C7orf78: variants seen among roughly 807,000 people sequenced by gnomAD.
C7orf78 encodes the protein chromosome 7 open reading frame 78.
chr7:12,524,897 G>A, the C7orf78 span, among the ~76,000 whole-genome samples: 198 of 152,044 alleles, frequency 1.3e-3, 1 homozygote, highest in Non-Finnish European at 2.3e-3. Flanking sequence ...AAAATTCACG[G>A]AATAAGGAAT....
At chr7:12,487,046 G>C in the C7orf78 span, 1 of 151,516 alleles carries the variant, frequency 6.6e-6, no homozygotes, top group African/African-American at 2.4e-5. Flanking sequence ...TTCTGCTTCT[G>C]TCATGTATTT....
the C7orf78 span, among the ~76,000 whole-genome samples, chr7:12,506,376 G>C: frequency 3.7e-4 from 57 of 152,128 alleles, no homozygotes; most frequent in African/African-American, 1.2e-3. Context: ...ACAATGCAAA[G>C]ACTTGGAACC....
the C7orf78 span, among the ~76,000 whole-genome samples, chr7:12,520,292 C>T: frequency 2.9e-4 from 44 of 152,212 alleles, no homozygotes; most frequent in African/African-American, 1.0e-3. Flanking sequence ...CTGGAGAAGG[C>T]AAGTGCCCGA....
At chr7:12,497,768 A>C in the C7orf78 span, among the ~76,000 whole-genome samples, 132 of 151,672 alleles carry the variant, frequency 8.7e-4, no homozygotes, top group African/African-American at 2.5e-3. Flanking sequence ...TGTAGGCTCC[A>C]CCTCTGGGGG....
chr7:12,508,811 G>A, the C7orf78 span, among the ~76,000 whole-genome samples: 10 of 152,128 alleles, frequency 6.6e-5, no homozygotes, highest in African/African-American at 1.7e-4. Flanking sequence ...TTATAGGAGC[G>A]TGAACCCTAT....
At chr7:12,493,922 T>C in the C7orf78 span, among the ~76,000 whole-genome samples, 2 of 152,188 alleles carry the variant, frequency 1.3e-5, no homozygotes, top group Admixed American at 1.3e-4. Flanking sequence ...TTTCCTAGTG[T>C]TTGAAATTGG....
At chr7:12,531,152 C>A in the C7orf78 span, 1 of 397,758 alleles carries the variant, frequency 2.5e-6, no homozygotes, top group Admixed American at 4.4e-5. Context: ...AACATTACTA[C>A]TCAATTTCTG....
the C7orf78 span, among the ~76,000 whole-genome samples, chr7:12,511,918 A>AT: frequency 0.021 from 1,699 of 80,528 alleles, 148 homozygotes; most frequent in African/African-American, 0.059. Context: ...CACCTGGCTA[A>AT]TTTTTTTTTT....
At chr7:12,502,567 A>G in the C7orf78 span, among the ~76,000 whole-genome samples, 5 of 150,136 alleles carry the variant, frequency 3.3e-5, no homozygotes, top group South Asian at 1.1e-3. Context: ...GGCAATCATT[A>G]AAAAGTCAGG....
the C7orf78 span, among the ~76,000 whole-genome samples, chr7:12,508,615 A>G: frequency 6.6e-6 from 1 of 152,194 alleles, no homozygotes; most frequent in Non-Finnish European, 1.5e-5. Context: ...GGGTGAAACC[A>G]ATGTTAACAC....
chr7:12,517,068 G>C, the C7orf78 span, among the ~76,000 whole-genome samples: 1 of 151,982 alleles, frequency 6.6e-6, no homozygotes, highest in South Asian at 2.1e-4. Flanking sequence ...GAATGACATA[G>C]TTTAACTGTG....
the C7orf78 span, chr7:12,541,006 T>C: frequency 6.6e-6 from 1 of 152,198 alleles, no homozygotes; most frequent in African/African-American, 2.4e-5. Context: ...AGAACATTGA[T>C]GAATTCTGGC....
At chr7:12,500,338 C>G in the C7orf78 span, among the ~76,000 whole-genome samples, 5,393 of 150,790 alleles carry the variant, frequency 0.036, 327 homozygotes, top group African/African-American at 0.12. Context: ...GCTAGCAAGA[C>G]TAGTAAAGAA....
At chr7:12,536,783 C>T in the C7orf78 span, among the ~76,000 whole-genome samples, 3 of 152,156 alleles carry the variant, frequency 2.0e-5, no homozygotes, top group African/African-American at 7.2e-5. Context: ...CTCTCAAGTT[C>T]AAAGTTCCAC....
the C7orf78 span, among the ~76,000 whole-genome samples, chr7:12,535,166 C>T: frequency 6.6e-6 from 1 of 152,136 alleles, no homozygotes; most frequent in African/African-American, 2.4e-5. Context: ...AGATAAACAA[C>T]AGGAAGCATA....
chr7:12,526,495 T>C, the C7orf78 span, among the ~76,000 whole-genome samples: 1 of 152,138 alleles, frequency 6.6e-6, no homozygotes, highest in Non-Finnish European at 1.5e-5. Context: ...TATAATTATA[T>C]ATAAATTAAC....
chr7:12,493,251 T>G, the C7orf78 span, among the ~76,000 whole-genome samples: 5 of 152,218 alleles, frequency 3.3e-5, no homozygotes, highest in African/African-American at 1.2e-4. Flanking sequence ...ATAAAGGATA[T>G]GTAGTGTTTT....
chr7:12,532,557 AAAAAAG>A, the C7orf78 span, among the ~76,000 whole-genome samples: 2 of 151,582 alleles, frequency 1.3e-5, no homozygotes, highest in African/African-American at 4.8e-5. Flanking sequence ...TCAAAAAAAA[AAAAAAG>A]AAAAAGAAAA....
the C7orf78 span, among the ~76,000 whole-genome samples, chr7:12,493,565 T>C: frequency 6.6e-6 from 1 of 152,202 alleles, no homozygotes; most frequent in African/African-American, 2.4e-5. Context: ...ATACTCATGC[T>C]CTTGGTCTGG....
Sources: gnomAD v4.1 joint callset for allele counts (sites outside exome capture counted in the v4.1 genomes callset) on GRCh38, gnomAD v4.1.1 for gene constraint, MANE v1.5 for transcripts, NCBI Gene and HGNC (gene_info 2026-07-23, HGNC 2026-07-21) for gene names.